Variants in TUT4 observed in about 807,000 individuals in gnomAD.
The protein encoded by TUT4 is terminal uridylyl transferase 4.
Under a neutral mutation model 192.2 loss-of-function variants are expected in TUT4, and 36 were observed. The ratio of observed to expected loss-of-function variants is 0.19; its 90% CI spans 0.14 to 0.25. The LOEUF is 0.25. Among genes scored for constraint, TUT4 ranks in the 10% least tolerant of loss-of-function variants. TUT4 has a pLI of 1.00. For missense variants in TUT4, 1,493 were observed against 1,957.2 expected (o/e 0.76, Z 4.47); for synonymous variants, 618 against 666.0 (o/e 0.93, Z 1.11).
chr1:52,503,774 T>C (rs562470760), intron 4 of TUT4, among the ~76,000 whole-genome samples: 2 of 152,292 alleles, frequency 1.3e-5, no homozygotes, highest in South Asian at 4.2e-4. Flanking sequence ...ATCTTGAAAC[T>C]TTCCTTTCTT....
rs188590574 is a variant in TUT4, at chr1:52,497,220, A to C, written c.1000-37T>G. The C allele has an allele frequency of 6.3e-5, 96 of 1,526,446 alleles. No homozygotes were observed. The East Asian group carries it at 1.6e-3, about 26-fold the overall frequency. 94.6% of individuals were successfully genotyped at this position (1,526,446 alleles called of 1,614,324 possible). ...ATGATTCACAACAATAAAAACAAAA[A>C]AAGTTTCTATTTTAATTGTTCTTAT... On this transcript the variant is annotated intron_variant, in intron 4 of 29. Transcript: ENST00000257177.
Position 52,518,153 on chromosome 1 carries a change from T to C in TUT4, c.719-2099A>G, listed in dbSNP as rs915755800. ...ACAAATACTTGTACATGAATGTTCA[T>C]AGAATATTCACAATAGCCAAAGATG... is the stretch of plus-strand genomic sequence containing the variant. On this transcript the variant is annotated intron_variant, in intron 2 of 29. Coordinates refer to ENST00000257177, the MANE Select transcript of TUT4 (RefSeq NM_001009881.3). Among the ~76,000 whole-genome samples the C allele has an allele frequency of 1.3e-5, 2 of 152,232 alleles. 1 individual carries two copies. Among genetic ancestry groups the C allele is most frequent in the East Asian group, 3.8e-4 (2 of 5,196 alleles).
chr1:52,552,272 G>A (rs760490524), intron 1 of TUT4, among the ~76,000 whole-genome samples: 3 of 152,176 alleles, frequency 2.0e-5, no homozygotes, highest in Non-Finnish European at 4.4e-5. Flanking sequence ...CCTTCGCAGA[G>A]GCGTGCAACA....
Position 52,475,324 on chromosome 1 carries a change from A to G in TUT4, c.2235T>C (p.Gly745=). The change falls in exon 13 of 30, where the codon GGT becomes GGC. Residue 745 remains glycine, a synonymous_variant. Coordinates refer to ENST00000257177, the MANE Select transcript of TUT4 (RefSeq NM_001009881.3). ...CTGTGGTTTCCCCAAGCAGAATACA[A>G]CCATTGGTTGCCATATTGTTCGACT... ...PVKSNNMATN[G]CILLGETTEK... is the part of the protein sequence containing the mutation. 6.2e-7 allele frequency: 1 copy of G among 1,614,062 alleles called. No individual in the cohort carries two copies. Among genetic ancestry groups the G allele is most frequent in the Non-Finnish European group, 8.5e-7 (1 of 1,179,998 alleles).
intron 1 of TUT4, among the ~76,000 whole-genome samples, chr1:52,552,311 T>G (rs766157514): frequency 1.3e-5 from 2 of 152,048 alleles, no homozygotes; most frequent in Non-Finnish European, 2.9e-5. Flanking sequence ...TGTTTACAAA[T>G]ACGAATCTCA....
intron 2 of TUT4, among the ~76,000 whole-genome samples, chr1:52,519,482 C>T (rs1384488246): frequency 1.3e-5 from 2 of 151,746 alleles, no homozygotes; most frequent in Non-Finnish European, 2.9e-5. Flanking sequence ...AACTACTGAA[C>T]ACTTAATACT....
At chr1:52,542,435 C>T (rs1312740903) in intron 1 of TUT4, among the ~76,000 whole-genome samples, 3 of 152,122 alleles carry the variant, frequency 2.0e-5, no homozygotes, top group Admixed American at 2.0e-4. Context: ...AATTGTACAC[C>T]ACGATCAAAT....
At chr1:52,508,150 G>C (rs1208188329) in intron 4 of TUT4, among the ~76,000 whole-genome samples, 2 of 151,728 alleles carry the variant, frequency 1.3e-5, no homozygotes, top group Admixed American at 1.3e-4. Flanking sequence ...TGCTTGCCCA[G>C]GTGAAACCCC....
chr1:52,512,976 A>C (rs1677623996), intron 3 of TUT4, among the ~76,000 whole-genome samples: 1 of 152,096 alleles, frequency 6.6e-6, no homozygotes, highest in African/African-American at 2.4e-5. Flanking sequence ...TAAGAGGACA[A>C]GCCAGTTGTG....
At chr1:52,455,908 C>T (rs917068437) in intron 20 of TUT4, among the ~76,000 whole-genome samples, 13 of 152,180 alleles carry the variant, frequency 8.5e-5, no homozygotes, top group Non-Finnish European at 1.8e-4. Flanking sequence ...ACTAAACATA[C>T]TCGTACATAT....
chr1:52,430,339 A>G (rs60985476), intron 28 of TUT4, among the ~76,000 whole-genome samples: 13,264 of 151,976 alleles, frequency 0.087, 739 homozygotes, highest in East Asian at 0.2. Context: ...CTGGAGTGCA[A>G]TGGCGCAATC....
At chr1:52,541,034 T>G (rs1410654086) in intron 1 of TUT4, among the ~76,000 whole-genome samples, 1 of 151,136 alleles carries the variant, frequency 6.6e-6, no homozygotes, top group Non-Finnish European at 1.5e-5. Flanking sequence ...GGTAAAACAC[T>G]GTCTCTACTA....
At chr1:52,427,440 GAAC>G (rs1243541158) in intron 28 of TUT4, among the ~76,000 whole-genome samples, 4 of 152,128 alleles carry the variant, frequency 2.6e-5, no homozygotes, top group South Asian at 2.1e-4. Flanking sequence ...AAAACACTGA[GAAC>G]AACAAGTTGC....
intron 20 of TUT4, among the ~76,000 whole-genome samples, chr1:52,456,276 A>G (rs1199419556): frequency 1.3e-5 from 2 of 151,948 alleles, no homozygotes; most frequent in South Asian, 2.1e-4. Flanking sequence ...GGTGGTGCAC[A>G]CCTGTAATCC....
intron 25 of TUT4, chr1:52,437,275 G>A (rs749211025): frequency 3.9e-6 from 1 of 255,666 alleles, no homozygotes; most frequent in Non-Finnish European, 7.4e-6. Flanking sequence ...GAGGCTTAGA[G>A]AAGATAAGTG....
chr1:52,478,942 C>T (rs1056134786), intron 11 of TUT4, among the ~76,000 whole-genome samples: 1 of 151,858 alleles, frequency 6.6e-6, no homozygotes, highest in Non-Finnish European at 1.5e-5. Flanking sequence ...GGAAAGACAA[C>T]AAACATCTTT....
At chr1:52,545,546 G>A (rs1012608932) in intron 1 of TUT4, among the ~76,000 whole-genome samples, 1 of 152,056 alleles carries the variant, frequency 6.6e-6, no homozygotes, top group Admixed American at 6.6e-5. Flanking sequence ...TTTCTCCAAA[G>A]AAGATATACA....
chr1:52,520,932 A>G (rs1571235985), intron 2 of TUT4, among the ~76,000 whole-genome samples: 2 of 152,034 alleles, frequency 1.3e-5, no homozygotes, highest in East Asian at 3.9e-4. Flanking sequence ...AGCTGGTGCT[A>G]CAGGCACACG....
In TUT4 at chr1:52,544,462, G is replaced by A. The variant is rs539600017; in HGVS notation, c.-94+8469C>T. 2.8e-4 allele frequency among the ~76,000 whole-genome samples: 43 copies of A among 152,130 alleles called. 1 individual carries two copies. Among genetic ancestry groups the A allele is most frequent in the Non-Finnish European group, 4.7e-4 (32 of 68,010 alleles). ...GAAAGGACAGTCTTTTCAGCAAATG[G>A]CGCTGGGAAAACTGGTAATCCATCT... On this transcript the variant is annotated intron_variant, in intron 1 of 29. Coordinates refer to ENST00000257177, the MANE Select transcript of TUT4 (RefSeq NM_001009881.3).
Sources: gnomAD v4.1 joint callset for allele counts (sites outside exome capture counted in the v4.1 genomes callset) on GRCh38, gnomAD v4.1.1 for gene constraint, MANE v1.5 for transcripts, NCBI Gene and HGNC (gene_info 2026-07-23, HGNC 2026-07-21) for gene names.